The following ZBBX variants were observed in gnomAD, a reference collection of about 807,000 sequenced individuals.
ZBBX encodes the protein zinc finger B-box domain containing, also known as zinc finger B-box domain-containing protein 1.
Under a neutral mutation model 108.5 loss-of-function variants are expected in ZBBX, and 101 were observed. That is an observed-to-expected ratio of 0.93 (90% CI 0.79 to 1.10). The LOEUF (loss-of-function observed/expected upper bound fraction) is 1.10, where lower values mean the gene tolerates loss of function less well. Ranked by LOEUF, ZBBX falls within the 50% of genes least tolerant of loss-of-function variation. ZBBX has a pLI of 0.00. For synonymous variants in ZBBX, 356 were observed against 323.4 expected (o/e 1.10, Z -1.08); for missense variants, 1,009 against 941.4 (o/e 1.07, Z -0.94).
the ZBBX span, among the ~76,000 whole-genome samples, chr3:167,186,320 G>A: frequency 6.6e-6 from 1 of 152,086 alleles, no homozygotes; most frequent in Admixed American, 6.6e-5. Context: ...TGAAACTAGG[G>A]ACCAAGAGTT....
chr3:167,328,734 A>G (rs1409833604), intron 10 of ZBBX, among the ~76,000 whole-genome samples: 1 of 152,112 alleles, frequency 6.6e-6, no homozygotes, highest in Non-Finnish European at 1.5e-5. Context: ...GCTATACCCA[A>G]TGCCTGGAAT....
At chr3:167,191,880 T>C in the ZBBX span, among the ~76,000 whole-genome samples, 1 of 108,808 alleles carries the variant, frequency 9.2e-6, no homozygotes, top group Non-Finnish European at 1.8e-5. Context: ...GTGGTTATCA[T>C]GAAGCTTACA....
chr3:167,269,325 A>G (rs1726131648), intron 20 of ZBBX, among the ~76,000 whole-genome samples: 1 of 152,226 alleles, frequency 6.6e-6, no homozygotes, highest in Admixed American at 6.5e-5. Context: ...AAAGTCTTAG[A>G]AAGTACAGAA....
the ZBBX span, among the ~76,000 whole-genome samples, chr3:167,204,238 C>CTTTTTTTTTTTTTTTTTTTTTTTTTATT: frequency 2.9e-5 from 2 of 69,298 alleles, no homozygotes; most frequent in African/African-American, 5.2e-5. Flanking sequence ...AATTTCTTTT[C>CTTTTTTTTTTTTTTTTTTTTTTTTTATT]TTTTCTTTTT....
At chr3:167,402,558 G>A (rs924193302) in intron 1 of ZBBX, among the ~76,000 whole-genome samples, 5 of 151,974 alleles carry the variant, frequency 3.3e-5, no homozygotes, top group East Asian at 1.9e-4. Context: ...AACAAATTAC[G>A]AGACCTACGT....
chr3:167,327,048 C>A (rs1425210079), intron 11 of ZBBX, among the ~76,000 whole-genome samples: 1 of 151,132 alleles, frequency 6.6e-6, no homozygotes, highest in African/African-American at 2.4e-5. Context: ...ACTTTTAAAA[C>A]TTATGGTTTT....
At chr3:167,222,649 T>C in the ZBBX span, among the ~76,000 whole-genome samples, 1 of 152,130 alleles carries the variant, frequency 6.6e-6, no homozygotes, top group South Asian at 2.1e-4. Flanking sequence ...TTATTCATTG[T>C]ATGCCTGTAT....
chr3:167,250,663 C>G (rs1214011662), intron 20 of ZBBX, among the ~76,000 whole-genome samples: 2 of 151,994 alleles, frequency 1.3e-5, no homozygotes, highest in Non-Finnish European at 2.9e-5. Context: ...TACCCCAGAA[C>G]AATGCCCCCT....
chr3:167,394,946 G>A (rs796115906), intron 1 of ZBBX, among the ~76,000 whole-genome samples: 7 of 152,160 alleles, frequency 4.6e-5, no homozygotes, highest in African/African-American at 1.7e-4. Flanking sequence ...GAGTAAGTTA[G>A]CTCTGTCTTG....
At chr3:167,181,841 C>T in the ZBBX span, among the ~76,000 whole-genome samples, 7,800 of 152,136 alleles carry the variant, frequency 0.051, 545 homozygotes, top group African/African-American at 0.16. Context: ...CTACTGTCCC[C>T]GCTGGCAAGG....
In ZBBX at chr3:167,367,791, A is replaced by G. The variant is rs1428463347; in HGVS notation, c.182+670T>C. ...AGAGAATTTCCATCACATAATTATT[A>G]GTTCTGTTTGTTATCATTTATATTA... On this transcript the variant is annotated intron_variant, in intron 5 of 21. Transcript: ENST00000675490. Among the ~76,000 whole-genome samples the G allele has an allele frequency of 1.3e-5, 2 of 151,436 alleles. 1 individual carries two copies. Among genetic ancestry groups the G allele is most frequent in the African/African-American group, 4.8e-5 (2 of 41,464 alleles).
Position 167,295,760 on chromosome 3 carries a change from A to ATATATAT in ZBBX, c.1879+2544_1879+2545insATATATA, listed in dbSNP as rs1731586030. On this transcript the variant is annotated intron_variant, in intron 18 of 21. Transcript: ENST00000675490. ...ATATATATATATATATATATATATA[A>ATATATAT]AAAAAACTAGTAAGGAGATTAAATC... Among the ~76,000 whole-genome samples, 15 of 6,648 alleles carry ATATATAT rather than the reference A, an allele frequency of 2.3e-3. 3 individuals are homozygous for ATATATAT. Among genetic ancestry groups the ATATATAT allele is most frequent in the East Asian group, 9.6e-3 (2 of 208 alleles). The allele number at this position is 6,648 out of a possible 152,430, so 4.4% of individuals were successfully genotyped here.
intron 8 of ZBBX, among the ~76,000 whole-genome samples, chr3:167,358,212 G>T (rs1367153506): frequency 6.6e-6 from 1 of 151,758 alleles, no homozygotes. Flanking sequence ...AATAAAAAAA[G>T]AAATCCTATC....
chr3:167,289,720 C>T (rs960309858), intron 18 of ZBBX, among the ~76,000 whole-genome samples: 3 of 152,144 alleles, frequency 2.0e-5, no homozygotes, highest in Admixed American at 6.5e-5. Context: ...TTCTCATACC[C>T]GAGTGGCACC....
rs1314390856 is a variant in ZBBX, at chr3:167,252,138, T to C, written c.2255-9495A>G. On this transcript the variant is annotated intron_variant, in intron 20 of 21. Coordinates refer to ENST00000675490, the MANE Select transcript of ZBBX (RefSeq NM_001199201.2). ...AGAAACTGTTTACCTAATGTAGTTA[T>C]TTTCTGTCTTATTCTCCCAGCTCCT... The C allele has an allele frequency of 2.3e-6, 3 of 1,288,770 alleles. No individual in the cohort carries two copies. The Admixed American group carries it at 6.9e-5, about 30-fold the overall frequency. 79.8% of individuals were successfully genotyped at this position (1,288,770 alleles called of 1,614,324 possible). A position where few individuals can be genotyped will look rare whatever the true frequency, so the allele number is the denominator to read the frequency against.
intron 8 of ZBBX, among the ~76,000 whole-genome samples, chr3:167,355,208 C>T (rs1442137816): frequency 2.6e-5 from 4 of 151,916 alleles, no homozygotes; most frequent in Non-Finnish European, 5.9e-5. Flanking sequence ...TTCGTCTTTG[C>T]CATCAATATA....
At chr3:167,348,415 GAA>G (rs1213765747) in intron 9 of ZBBX, among the ~76,000 whole-genome samples, 1 of 104,656 alleles carries the variant, frequency 9.6e-6, no homozygotes, top group Non-Finnish European at 2.0e-5. Flanking sequence ...AGGAGAGAGA[GAA>G]AGAGAAGAGG....
At chr3:167,181,830 C>T in the ZBBX span, among the ~76,000 whole-genome samples, 1 of 152,146 alleles carries the variant, frequency 6.6e-6, no homozygotes, top group Admixed American at 6.5e-5. Context: ...TAGAAGTAAT[C>T]CTACTGTCCC....
At chr3:167,188,013 C>G in the ZBBX span, among the ~76,000 whole-genome samples, 1 of 152,038 alleles carries the variant, frequency 6.6e-6, no homozygotes, top group Non-Finnish European at 1.5e-5. Context: ...TTTCCAAAGT[C>G]TACATTAAAG....
Sources: gnomAD v4.1 joint callset for allele counts (sites outside exome capture counted in the v4.1 genomes callset) on GRCh38, gnomAD v4.1.1 for gene constraint, MANE v1.5 for transcripts, NCBI Gene and HGNC (gene_info 2026-07-23, HGNC 2026-07-21) for gene names.